SOX5: variants seen among roughly 807,000 people sequenced by gnomAD.
SOX5 encodes the protein transcription factor SOX-5.
In SOX5, 9 loss-of-function variants were observed where a neutral mutation model predicts 92.0. The ratio of observed to expected loss-of-function variants is 0.10; its 90% CI spans 0.06 to 0.17. SOX5 has a LOEUF of 0.17. Among genes scored for constraint, SOX5 ranks in the 10% least tolerant of loss-of-function variants. SOX5 has a pLI of 1.00. For missense variants in SOX5, 642 were observed against 944.5 expected (o/e 0.68, Z 4.20); for synonymous variants, 344 against 336.3 (o/e 1.02, Z -0.25).
At chr12:24,477,322 C>T (rs1285018072) in intron 1 of SOX5, among the ~76,000 whole-genome samples, 2 of 151,890 alleles carry the variant, frequency 1.3e-5, no homozygotes, top group African/African-American at 2.4e-5. Context: ...TTAATAGAGA[C>T]GAGGTTTTGC....
At position 23,863,267 on chromosome 12, in the gene SOX5, C is replaced by T. The variant is rs140052989; in HGVS notation, c.271-17074G>A. ...TTACAATGCTCTTTATCATGATTAA[C>T]CTCAGATTGCATTCAGAACCTAAGA... On this transcript the variant is annotated intron_variant, in intron 2 of 14. Coordinates refer to ENST00000451604, the MANE Select transcript of SOX5 (RefSeq NM_006940.6). Among the ~76,000 whole-genome samples the T allele has an allele frequency of 4.2e-3, 641 of 152,220 alleles. 21 individuals are homozygous for T. Among genetic ancestry groups the T allele is most frequent in the Admixed American group, 0.038 (574 of 15,286 alleles).
chr12:24,057,692 T>C (rs553145517), intron 4 of SOX5, among the ~76,000 whole-genome samples: 1 of 152,332 alleles, frequency 6.6e-6, no homozygotes, highest in Non-Finnish European at 1.5e-5. Flanking sequence ...AAAAAAATTA[T>C]AACTCCACAA....
At chr12:23,679,183 G>A (rs765295388) in intron 6 of SOX5, among the ~76,000 whole-genome samples, 2 of 152,162 alleles carry the variant, frequency 1.3e-5, no homozygotes, top group Non-Finnish European at 2.9e-5. Flanking sequence ...ATCGAAAGTA[G>A]TTTGGAAGAA....
intron 2 of SOX5, 30 bp downstream of exon 2, chr12:23,895,763 T>C (rs2097170718): frequency 2.7e-6 from 4 of 1,489,684 alleles, no homozygotes; most frequent in Non-Finnish European, 3.7e-6. Context: ...AAAAAGTGAG[T>C]GTAGGCACAA....
chr12:24,353,365 A>G (rs1161644678), intron 2 of SOX5, among the ~76,000 whole-genome samples: 1 of 152,000 alleles, frequency 6.6e-6, no homozygotes, highest in African/African-American at 2.4e-5. Context: ...CTCTACTCAT[A>G]TTTCCTCTGT....
intron 4 of SOX5, among the ~76,000 whole-genome samples, chr12:24,015,894 C>T (rs1407750569): frequency 6.8e-6 from 1 of 146,952 alleles, no homozygotes; most frequent in East Asian, 2.0e-4. Flanking sequence ...TCTTGTGTGA[C>T]ATCAAAGACT....
At chr12:24,475,387 G>A (rs778733360) in intron 1 of SOX5, among the ~76,000 whole-genome samples, 12 of 152,162 alleles carry the variant, frequency 7.9e-5, no homozygotes, top group Non-Finnish European at 1.6e-4. Context: ...GGCAGGAATC[G>A]TGTACTGTTC....
chr12:24,127,510 C>T (rs1949227809), intron 4 of SOX5, among the ~76,000 whole-genome samples: 1 of 151,978 alleles, frequency 6.6e-6, no homozygotes, highest in Non-Finnish European at 1.5e-5. Context: ...TTTCTATATT[C>T]CTACATTTAT....
chr12:23,765,648 G>C (rs1039571131), intron 3 of SOX5, among the ~76,000 whole-genome samples: 1 of 151,914 alleles, frequency 6.6e-6, no homozygotes, highest in Non-Finnish European at 1.5e-5. Context: ...TTTAATTTCT[G>C]AACTATATGA....
At chr12:24,263,099 G>A (rs1363221544) in intron 3 of SOX5, among the ~76,000 whole-genome samples, 2 of 152,076 alleles carry the variant, frequency 1.3e-5, no homozygotes, top group Non-Finnish European at 2.9e-5. Context: ...GATGGCGGGT[G>A]CCTGTAGCCC....
intron 2 of SOX5, among the ~76,000 whole-genome samples, chr12:24,346,219 C>A (rs1015888535): frequency 1.9e-4 from 29 of 152,270 alleles, no homozygotes; most frequent in African/African-American, 7.0e-4. Context: ...TACTGATAAT[C>A]TGAGACAAAT....
In SOX5 at chr12:23,577,191, A is replaced by ATATATTTTTTTT. The variant is rs71059907; in HGVS notation, c.1165-1354_1165-1353insAAAAAAAATATA. 8.1e-5 allele frequency among the ~76,000 whole-genome samples: 5 copies of ATATATTTTTTTT among 61,406 alleles called. 1 individual carries two copies. The highest frequency in any genetic ancestry group is 1.6e-4 in the Non-Finnish European group (5 of 31,250). The allele number at this position is 61,406 out of a possible 152,430, so 40.3% of individuals were successfully genotyped here. On this transcript the variant is annotated intron_variant, in intron 9 of 14. Transcript: ENST00000451604. ...CACACACACACATATATATATATAT[A>ATATATTTTTTTT]TTTTTTTTTTTTTTTTTTTTTGAGA...
intron 1 of SOX5, among the ~76,000 whole-genome samples, chr12:24,374,496 C>T (rs986688173): frequency 2.7e-5 from 4 of 147,934 alleles, no homozygotes; most frequent in African/African-American, 1.0e-4. Context: ...CCTCTCCAGA[C>T]CACCACACAC....
chr12:24,027,422 C>T (rs897289194), intron 4 of SOX5, among the ~76,000 whole-genome samples: 4 of 152,072 alleles, frequency 2.6e-5, no homozygotes, highest in Middle Eastern at 6.8e-3. Context: ...AGTGACATTG[C>T]CATTCACTGA....
chr12:23,686,905 G>A (rs1172486280), intron 6 of SOX5, among the ~76,000 whole-genome samples: 1 of 151,998 alleles, frequency 6.6e-6, no homozygotes, highest in African/African-American at 2.4e-5. Context: ...ACAAATTCCA[G>A]GGATAATTTA....
intron 2 of SOX5, among the ~76,000 whole-genome samples, chr12:24,321,737 T>G (rs924296569): frequency 6.6e-6 from 1 of 152,184 alleles, no homozygotes; most frequent in South Asian, 2.1e-4. Flanking sequence ...AGGATTACTA[T>G]AAATAGAATA....
At chr12:23,883,753 C>T (rs574163567) in intron 2 of SOX5, among the ~76,000 whole-genome samples, 199 of 152,254 alleles carry the variant, frequency 1.3e-3, no homozygotes, top group Middle Eastern at 3.4e-3. Flanking sequence ...TTTGACTTTA[C>T]TGAGGTAGAT....
intron 1 of SOX5, among the ~76,000 whole-genome samples, chr12:23,897,882 T>C (rs1486548927): frequency 6.6e-6 from 1 of 152,130 alleles, no homozygotes; most frequent in Non-Finnish European, 1.5e-5. Flanking sequence ...AGAAGTAGAT[T>C]TGGATACCAC....
At position 24,042,799 on chromosome 12, in the gene SOX5, T is replaced by C. The variant is rs138166087; in HGVS notation, c.-1-146775A>G. ...ATTTTTCATTACTATATTCAGTCAATACAGATAATAGCCTTCATTTGAGTC... is the reference window on the plus strand; with the variant it reads ...ATTTTTCATTACTATATTCAGTCAACACAGATAATAGCCTTCATTTGAGTC... On this transcript the variant is annotated intron_variant, in intron 4 of 4. Transcript: ENST00000446891. Among the ~76,000 whole-genome samples, 87 of 152,306 alleles carry C rather than the reference T, an allele frequency of 5.7e-4. No individual in the cohort carries two copies. The East Asian group carries it at 0.016, about 27-fold the overall frequency.
Sources: allele counts gnomAD v4.1 joint callset (sites outside exome capture counted in the v4.1 genomes callset), GRCh38; gene constraint gnomAD v4.1.1; transcripts MANE v1.5; gene names NCBI Gene and HGNC (gene_info 2026-07-23, HGNC 2026-07-21).